NLRP8: variants seen among roughly 807,000 people sequenced by gnomAD.
NLRP8 encodes the protein NLR family pyrin domain containing 8.
NLRP8 carries 86 observed loss-of-function variants against 88.7 expected under a neutral mutation model. The ratio of observed to expected loss-of-function variants is 0.97; its 90% confidence interval spans 0.81 to 1.16. The LOEUF (loss-of-function observed/expected upper bound fraction) is 1.16, where lower values mean the gene tolerates loss of function less well. Ranked by LOEUF, NLRP8 falls within the 50% of genes most tolerant of loss-of-function variation. The probability of loss-of-function intolerance (pLI) is 0.00; values close to 1 mark genes in which losing one functional copy is unlikely to be tolerated. For missense variants in NLRP8, 1,342 were observed against 1,286.5 expected, an observed-to-expected ratio of 1.04 and a Z score of -0.66; for synonymous variants, 504 against 494.6, an observed-to-expected ratio of 1.02 and a Z score of -0.25.
At chr19:55,959,012 G>GGGAC (rs1979497216) in intron 3 of NLRP8, among the ~76,000 whole-genome samples, 1 of 151,578 alleles carries the variant, frequency 6.6e-6, no homozygotes, top group African/African-American at 2.4e-5. Flanking sequence ...CCGAGTAGCT[G>GGGAC]GGACTACAGG....
chr19:55,954,254 A>G (rs1979227049), intron 2 of NLRP8, among the ~76,000 whole-genome samples: 1 of 152,108 alleles, frequency 6.6e-6, no homozygotes. Context: ...TAATTTCAAC[A>G]GCTTTACGCC....
At chr19:55,986,367 CA>C (rs1980810992) in intron 9 of NLRP8, among the ~76,000 whole-genome samples, 1 of 151,270 alleles carries the variant, frequency 6.6e-6, no homozygotes, top group Non-Finnish European at 1.5e-5. Flanking sequence ...CCCACTCACA[CA>C]GTCTCACACA....
At chr19:55,948,836 G>T (rs1215039357) in intron 1 of NLRP8, among the ~76,000 whole-genome samples, 2 of 152,214 alleles carry the variant, frequency 1.3e-5, no homozygotes, top group Non-Finnish European at 2.9e-5. Flanking sequence ...TAGTGGAAAA[G>T]CATATGCTAT....
intron 9 of NLRP8, among the ~76,000 whole-genome samples, chr19:55,987,301 C>T (rs1222089902): frequency 2.0e-5 from 3 of 152,202 alleles, no homozygotes; most frequent in Non-Finnish European, 4.4e-5. Flanking sequence ...ACCCAGGAGG[C>T]AGAGGTTGCA....
chr19:55,969,895 G>T (rs1331222240), intron 5 of NLRP8, among the ~76,000 whole-genome samples: 2 of 152,144 alleles, frequency 1.3e-5, no homozygotes, highest in Admixed American at 6.5e-5. Flanking sequence ...TATATAAACA[G>T]CCCACCTTGA....
In NLRP8 at chr19:55,952,576, G is replaced by C; in HGVS notation, c.406G>C (p.Gly136Arg). Reference sequence around the variant, plus strand: ...CTTGGAACCAGAGGACTTGAATGTGGGAGAAACACAGGTGAATCTGGAGGA... The same window carrying C: ...CTTGGAACCAGAGGACTTGAATGTGCGAGAAACACAGGTGAATCTGGAGGA... The change falls in exon 2 of 10, where the codon GGA becomes CGA. Residue 136 changes from glycine (G) to arginine (R), a missense_variant. Transcript: ENST00000291971. 1.9e-6 allele frequency: 3 copies of C among 1,614,060 alleles called. No homozygotes were observed. The highest frequency in any genetic ancestry group is 2.5e-6 in the Non-Finnish European group (3 of 1,179,982).
At chr19:55,952,251 T>TG (rs1979128642) in intron 1 of NLRP8, among the ~76,000 whole-genome samples, 1 of 152,172 alleles carries the variant, frequency 6.6e-6, no homozygotes, top group Non-Finnish European at 1.5e-5. Flanking sequence ...AGAGTATGTG[T>TG]GTATTTATAT....
intron 3 of NLRP8, among the ~76,000 whole-genome samples, chr19:55,956,527 A>G (rs993563335): frequency 6.6e-6 from 1 of 152,026 alleles, no homozygotes; most frequent in Non-Finnish European, 1.5e-5. Flanking sequence ...TACAGGCATG[A>G]GCCATCGCAC....
chr19:55,976,112 T>G, intron 7 of NLRP8, 21 bp from the exon 8 acceptor site: 2 of 1,566,500 alleles, frequency 1.3e-6, no homozygotes, highest in South Asian at 1.2e-5. Context: ...GTTGTTGTTT[T>G]TAACCTGTGT....
intron 9 of NLRP8, chr19:55,987,761 A>C: frequency 7.9e-7 from 1 of 1,271,754 alleles, no homozygotes; most frequent in Non-Finnish European, 1.2e-6. Flanking sequence ...TAGGGAAGTC[A>C]CTCATCCTCA....
At chr19:55,957,515 G>A (rs535380482) in intron 3 of NLRP8, among the ~76,000 whole-genome samples, 16 of 151,534 alleles carry the variant, frequency 1.1e-4, no homozygotes, top group East Asian at 1.9e-4. Flanking sequence ...GTAAAACCCC[G>A]TTTCTACTAA....
intron 9 of NLRP8, among the ~76,000 whole-genome samples, chr19:55,986,457 C>T (rs425902): frequency 1.4e-5 from 1 of 69,558 alleles, no homozygotes; most frequent in Non-Finnish European, 3.1e-5. Flanking sequence ...CTCTCTCACA[C>T]ACACACTCTC....
intron 4 of NLRP8, among the ~76,000 whole-genome samples, chr19:55,963,729 A>AT (rs1277094207): frequency 2.6e-5 from 4 of 151,300 alleles, no homozygotes; most frequent in African/African-American, 7.3e-5. Flanking sequence ...TTTTTTTTTA[A>AT]TTTTTTGTAG....
chr19:55,970,721 G>C, intron 6 of NLRP8, 25 bp downstream of exon 6: 1 of 1,610,112 alleles, frequency 6.2e-7, no homozygotes, highest in Non-Finnish European at 8.5e-7. Context: ...TAGTGGCTGT[G>C]GTTGTGGTTG....
chr19:55,979,371 T>C (rs1178873198), intron 8 of NLRP8, 23 bp from the exon 9 acceptor site: 1 of 1,612,604 alleles, frequency 6.2e-7, no homozygotes, highest in Middle Eastern at 2.0e-4. Context: ...CTCTGCTGTC[T>C]GCTGTCTGTT....
intron 4 of NLRP8, among the ~76,000 whole-genome samples, 192 bp downstream of exon 4, chr19:55,962,429 G>T (rs946669539): frequency 1.3e-5 from 2 of 152,190 alleles, no homozygotes; most frequent in African/African-American, 4.8e-5. Flanking sequence ...CAGGCTGACG[G>T]CTCGATCTGT....
At chr19:55,962,628 C>T (rs548521969) in intron 4 of NLRP8, among the ~76,000 whole-genome samples, 1 of 152,196 alleles carries the variant, frequency 6.6e-6, no homozygotes, top group South Asian at 2.1e-4. Flanking sequence ...GTGGCTCACG[C>T]CTATTTACTT....
Position 55,948,048 on chromosome 19 carries a change from G to A in NLRP8, c.146G>A (p.Ser49Asn), listed in dbSNP as rs1364553929. Residue 49 changes from serine to asparagine, a missense_variant, in exon 1 of 10, where the codon AGC becomes AAC. By Grantham distance (46) the Ser-to-Asn change is conservative. Coordinates refer to ENST00000291971, the MANE Select transcript of NLRP8 (RefSeq NM_176811.2). ...GTCATGCTGTACATGAGAAACGTGA[G>A]CCATGAGGAGCTACAACGGTTCAAG... 2.5e-6 allele frequency: 4 copies of A among 1,613,962 alleles called. No individual in the cohort carries two copies. Among genetic ancestry groups the A allele is most frequent in the African/African-American group, 1.3e-5 (1 of 74,898 alleles).
chr19:55,983,818 C>CAAAAAAAAAAAAAA, intron 9 of NLRP8, among the ~76,000 whole-genome samples: 1 of 84,658 alleles, frequency 1.2e-5, no homozygotes. Context: ...CTAGTAGATG[C>CAAAAAAAAAAAAAA]AAAAAAAAAA....
Sources: gnomAD v4.1 joint callset for allele counts (sites outside exome capture counted in the v4.1 genomes callset) on GRCh38, gnomAD v4.1.1 for gene constraint, MANE v1.5 for transcripts, NCBI Gene and HGNC (gene_info 2026-07-23, HGNC 2026-07-21) for gene names.